Variants in GRAMD1B observed in about 807,000 individuals in gnomAD.
GRAMD1B encodes the protein GRAM domain containing 1B, also known as protein Aster-B.
GRAMD1B carries 37 observed loss-of-function variants against 99.7 expected under a neutral mutation model. The ratio of observed to expected loss-of-function variants is 0.37; its 90% CI spans 0.29 to 0.49. The LOEUF (loss-of-function observed/expected upper bound fraction) is 0.49, where lower values mean the gene tolerates loss of function less well. GRAMD1B is among the 20% of genes least tolerant of loss of function. The pLI is 0.98. For synonymous variants in GRAMD1B, 427 were observed against 387.6 expected (o/e 1.10, Z -1.19); for missense variants, 888 against 1,009.2 (o/e 0.88, Z 1.63).
chr11:123,528,445 A>G (rs1347750843), intron 2 of GRAMD1B, among the ~76,000 whole-genome samples: 2 of 152,232 alleles, frequency 1.3e-5, no homozygotes, highest in South Asian at 2.1e-4. Flanking sequence ...TGCTGAAACT[A>G]TGTATCAAGC....
chr11:123,587,759 G>A lies in GRAMD1B; in HGVS notation c.684+3427G>A, dbSNP rs1950212130. ...GCTTTGTGGAGGAGAGGGAGGGATA[G>A]TGCCAAGCCTGGGGAGTGGCTGGCA... is the stretch of plus-strand genomic sequence containing the variant. On this transcript the variant is annotated intron_variant, in intron 4 of 19. Coordinates refer to ENST00000635736, the MANE Select transcript of GRAMD1B (RefSeq NM_001387025.1). The surrounding 1 kb of genome is among the most constrained non-coding windows in gnomAD (Gnocchi z 4.2). Among the ~76,000 whole-genome samples the A allele has an allele frequency of 6.6e-6, 1 of 152,164 alleles. No individual in the cohort carries two copies. Among genetic ancestry groups the A allele is most frequent in the Non-Finnish European group, 1.5e-5 (1 of 68,026 alleles).
At chr11:123,479,297 G>A (rs1303978619) in intron 1 of GRAMD1B, among the ~76,000 whole-genome samples, 1 of 152,158 alleles carries the variant, frequency 6.6e-6, no homozygotes, top group Admixed American at 6.5e-5. Flanking sequence ...CTGGAAGAAC[G>A]GAACATAAGA....
At chr11:123,544,222 A>G (rs1298364008) in intron 2 of GRAMD1B, among the ~76,000 whole-genome samples, 2 of 152,172 alleles carry the variant, frequency 1.3e-5, no homozygotes, top group Admixed American at 6.5e-5. Context: ...AACAGACAGT[A>G]TTTGTTTCTG....
At position 123,625,657 on chromosome 11, in the gene GRAMD1B, TC is replaced by T; in HGVS notation, c.*3067del. The stretch of plus-strand genomic sequence containing the variant: ...AGCTCTGTGGCCTTGGGCAAGTCAC[TC>T]CCCCTCTCTGAGCTTCAGTATCCTC... On this transcript the variant is annotated 3_prime_UTR_variant, in exon 20 of 20. Transcript: ENST00000635736. 6.5e-6 allele frequency: 1 copy of T among 152,704 alleles called. No homozygotes were observed. The highest frequency in any genetic ancestry group is 1.5e-5 in the Non-Finnish European group (1 of 68,416). 9.5% of individuals were successfully genotyped at this position (152,704 alleles called of 1,614,324 possible).
At chr11:123,561,175 T>G (rs974075484) in intron 2 of GRAMD1B, among the ~76,000 whole-genome samples, 3 of 152,146 alleles carry the variant, frequency 2.0e-5, no homozygotes, top group Non-Finnish European at 2.9e-5. Context: ...GGCAGAGGAA[T>G]GAATTAGTGG....
chr11:123,525,193 C>T (rs1942582907), intron 2 of GRAMD1B, among the ~76,000 whole-genome samples: 1 of 152,226 alleles, frequency 6.6e-6, no homozygotes, highest in African/African-American at 2.4e-5. Context: ...CTGCCTCACC[C>T]TGCGTCCCAG....
chr11:123,449,048 G>T (rs746320334), intron 1 of GRAMD1B, among the ~76,000 whole-genome samples: 1 of 152,168 alleles, frequency 6.6e-6, no homozygotes, highest in Non-Finnish European at 1.5e-5. Context: ...TTTCATCAAC[G>T]TTGTTCCGTC....
chr11:123,577,229 T>C (rs964861164), intron 2 of GRAMD1B, 138 bp from the exon 3 acceptor site: 2 of 729,704 alleles, frequency 2.7e-6, no homozygotes, highest in African/African-American at 3.5e-5. Flanking sequence ...GGCCCCTCTC[T>C]CCCGGTTTCT....
intron 1 of GRAMD1B, among the ~76,000 whole-genome samples, chr11:123,385,068 A>G (rs1947009723): frequency 1.3e-5 from 2 of 152,178 alleles, no homozygotes; most frequent in Non-Finnish European, 2.9e-5. Context: ...AATTCAATTC[A>G]TCTGACCTGG....
intron 2 of GRAMD1B, among the ~76,000 whole-genome samples, chr11:123,507,271 C>T (rs1940528154): frequency 6.6e-6 from 1 of 152,190 alleles, no homozygotes; most frequent in Non-Finnish European, 1.5e-5. Context: ...GCTTGGCCCC[C>T]ACACCTTTGG....
chr11:123,505,201 A>ATT (rs5795375), intron 2 of GRAMD1B, among the ~76,000 whole-genome samples: 14 of 150,790 alleles, frequency 9.3e-5, no homozygotes, highest in East Asian at 3.9e-4. Context: ...AAATATATTA[A>ATT]TTTTTTTTTA....
In GRAMD1B at chr11:123,544,675, C is replaced by A. The variant is rs527284052; in HGVS notation, c.453-32692C>A. ...TTCCTGCCCTGTCACTGAGCATTGC[C>A]CACAGCGGCGGTTGTCATCCAGGTG... On this transcript the variant is annotated intron_variant, in intron 2 of 19. Transcript: ENST00000635736. 1.6e-4 allele frequency among the ~76,000 whole-genome samples: 25 copies of A among 152,348 alleles called. No individual in the cohort carries two copies. In the East Asian group the frequency reaches 4.3e-3, roughly 26 times the overall value.
chr11:123,365,636 A>G (rs1304466717), intron 1 of GRAMD1B, among the ~76,000 whole-genome samples: 2 of 152,224 alleles, frequency 1.3e-5, no homozygotes, highest in East Asian at 1.9e-4. Context: ...GTAGGGGTCT[A>G]CAAGCATCTC....
In GRAMD1B at chr11:123,542,040, C is replaced by T. The variant is rs543096830; in HGVS notation, c.453-35327C>T. 9.8e-5 allele frequency among the ~76,000 whole-genome samples: 15 copies of T among 152,302 alleles called. No homozygotes were observed. In the South Asian group the frequency reaches 2.9e-3, roughly 29 times the overall value. On this transcript the variant is annotated intron_variant, in intron 2 of 19. Coordinates refer to ENST00000635736, the MANE Select transcript of GRAMD1B (RefSeq NM_001387025.1). ...TGACTGTCGACCACTTCCCATCACT[C>T]CCCCATATTTTTCATTAGCTTTTCT...
intron 2 of GRAMD1B, among the ~76,000 whole-genome samples, chr11:123,572,375 A>T (rs72645486): frequency 0.054 from 8,170 of 152,306 alleles, 442 homozygotes; most frequent in East Asian, 0.16. Flanking sequence ...TGAATGGCAC[A>T]TTATAAAGTT....
Position 123,619,135 on chromosome 11 carries a change from C to G in GRAMD1B, c.2455C>G (p.Gln819Glu). ...ACCCCAGTCTCAGACAGAATGGGCC[C>G]AGCTCTTAGAGTCCCAACAAAAGTA... ...RLPQSQTEWA[Q>E]LLESQQKYHD... Residue 819 changes from glutamine to glutamate, a missense_variant, in exon 19 of 20, where the codon CAG becomes GAG. Physicochemically the swap from Gln to Glu is conservative, Grantham distance 29 (BLOSUM62 2). Coordinates refer to ENST00000635736, the MANE Select transcript of GRAMD1B (RefSeq NM_001387025.1). The G allele has an allele frequency of 6.4e-7, 1 of 1,565,186 alleles. No individual in the cohort carries two copies. The highest frequency in any genetic ancestry group is 8.7e-7 in the Non-Finnish European group (1 of 1,154,386).
chr11:123,494,551 T>C (rs1938997319), intron 2 of GRAMD1B, among the ~76,000 whole-genome samples: 1 of 152,154 alleles, frequency 6.6e-6, no homozygotes, highest in African/African-American at 2.4e-5. Flanking sequence ...CAGTCCTGGC[T>C]GCTTCTGTGG....
At chr11:123,566,721 G>A (rs1160649147) in intron 2 of GRAMD1B, among the ~76,000 whole-genome samples, 1 of 151,782 alleles carries the variant, frequency 6.6e-6, no homozygotes, top group African/African-American at 2.4e-5. Context: ...AGCCGAGATC[G>A]TGCCACTGCA....
intron 1 of GRAMD1B, among the ~76,000 whole-genome samples, chr11:123,364,356 C>T (rs1225092002): frequency 6.6e-6 from 1 of 152,230 alleles, no homozygotes; most frequent in Non-Finnish European, 1.5e-5. Context: ...AAAAAGGTAT[C>T]TTCGTCTCTG....
Sources: allele counts gnomAD v4.1 joint callset (sites outside exome capture counted in the v4.1 genomes callset), GRCh38; gene constraint gnomAD v4.1.1; non-coding constraint Gnocchi (gnomAD v3.1); transcripts MANE v1.5; gene names NCBI Gene and HGNC (gene_info 2026-07-23, HGNC 2026-07-21).